The following RBFOX3 variants were observed in gnomAD, a reference collection of about 807,000 sequenced individuals.
RBFOX3 encodes the protein RNA binding fox-1 homolog 3.
In RBFOX3, 17 loss-of-function variants were observed where a neutral mutation model predicts 48.7. The observed-to-expected ratio is 0.35, with a 90% CI of 0.24 to 0.52. The LOEUF (loss-of-function observed/expected upper bound fraction) is 0.52. Among genes scored for constraint, RBFOX3 ranks in the 20% least tolerant of loss-of-function variants. RBFOX3 has a pLI of 0.94. For missense variants in RBFOX3, 382 were observed against 497.5 expected (o/e 0.77, Z 2.21); for synonymous variants, 212 against 209.5 (o/e 1.01, Z -0.10).
At position 79,178,932 on chromosome 17, in the gene RBFOX3, C is replaced by T. The variant is rs556556401; in HGVS notation, c.-34+56834G>A. On this transcript the variant is annotated intron_variant, in intron 4 of 14. Coordinates refer to ENST00000693108, the MANE Select transcript of RBFOX3 (RefSeq NM_001350451.2). ...ACCTGGGCAGCAATGGATGCTGCCG[C>T]GGGTGCACGAGCTGCTGTTCAGTGC... is the stretch of plus-strand genomic sequence containing the variant. Among the ~76,000 whole-genome samples, 11 of 152,298 alleles carry T rather than the reference C, an allele frequency of 7.2e-5. No individual in the cohort carries two copies. In the South Asian group the frequency reaches 1.5e-3, roughly 20 times the overall value.
the RBFOX3 span, among the ~76,000 whole-genome samples, chr17:79,663,086 A>C: frequency 6.6e-6 from 1 of 152,228 alleles, no homozygotes; most frequent in Non-Finnish European, 1.5e-5. Flanking sequence ...GGTTTTAATT[A>C]AACATTGATT....
chr17:79,658,321 C>G, the RBFOX3 span, among the ~76,000 whole-genome samples: 1 of 106,324 alleles, frequency 9.4e-6, no homozygotes, highest in Non-Finnish European at 1.9e-5. Context: ...TCCCCCATCT[C>G]TCTCTCCCTC....
intron 2 of RBFOX3, among the ~76,000 whole-genome samples, chr17:79,381,993 A>G (rs768693335): frequency 3.3e-5 from 5 of 152,126 alleles, no homozygotes; most frequent in Non-Finnish European, 5.9e-5. Context: ...TGCTCCATGC[A>G]CTCCGATACC....
At chr17:79,232,264 G>C (rs1202784920) in intron 4 of RBFOX3, among the ~76,000 whole-genome samples, 1 of 151,770 alleles carries the variant, frequency 6.6e-6, no homozygotes, top group East Asian at 1.9e-4. Flanking sequence ...TTTTTTCTTA[G>C]AAATTTACAC....
At position 79,431,315 on chromosome 17, in the gene RBFOX3, C is replaced by A. The variant is rs140551462; in HGVS notation, c.-175+51139G>T. On this transcript the variant is annotated intron_variant, in intron 2 of 14. Coordinates refer to ENST00000693108, the MANE Select transcript of RBFOX3 (RefSeq NM_001350451.2). ...GGTTAGGTTCCCAAGAGCCTCTGACCACATTTTCTTTTTTTGAGACGGAGT... is the reference window on the plus strand; with the variant it reads ...GGTTAGGTTCCCAAGAGCCTCTGACAACATTTTCTTTTTTTGAGACGGAGT... Among the ~76,000 whole-genome samples the A allele has an allele frequency of 9.9e-5, 15 of 152,186 alleles. No homozygotes were observed. The East Asian group carries it at 2.9e-3, about 29-fold the overall frequency.
chr17:79,090,875 G>A lies in RBFOX3; in HGVS notation c.*8C>T, dbSNP rs1219862044. ...CTTCATGGTCCGAGAAGGAAACGGTGGAAGGTTTCACTACAACAGAAACAG... is the reference window on the plus strand; with the variant it reads ...CTTCATGGTCCGAGAAGGAAACGGTAGAAGGTTTCACTACAACAGAAACAG... On this transcript the variant is annotated 3_prime_UTR_variant, in exon 15 of 15. Transcript: ENST00000693108. 1.3e-6 allele frequency: 2 copies of A among 1,532,572 alleles called. No homozygotes were observed. The highest frequency in any genetic ancestry group is 1.4e-5 in the African/African-American group (1 of 71,526). 94.9% of individuals were successfully genotyped at this position (1,532,572 alleles called of 1,614,324 possible). A position where few individuals can be genotyped will look rare whatever the true frequency, so the allele number is the denominator to read the frequency against.
chr17:79,438,887 T>C (rs2070185598), intron 2 of RBFOX3, among the ~76,000 whole-genome samples: 1 of 151,934 alleles, frequency 6.6e-6, no homozygotes, highest in South Asian at 2.1e-4. Context: ...AGAAAATGAG[T>C]TCTGGGTGTG....
At chr17:79,097,267 C>A in intron 11 of RBFOX3, 25 bp downstream of exon 11, 1 of 1,525,166 alleles carries the variant, frequency 6.6e-7, no homozygotes, top group Non-Finnish European at 8.9e-7. Flanking sequence ...CCCTCCTCCA[C>A]GCCTCCCCCG....
At chr17:79,468,876 C>T (rs1435236380) in intron 2 of RBFOX3, among the ~76,000 whole-genome samples, 1 of 144,770 alleles carries the variant, frequency 6.9e-6, no homozygotes, top group Admixed American at 6.9e-5. Context: ...GGCAGATAGA[C>T]AGGAGGATGG....
intron 1 of RBFOX3, among the ~76,000 whole-genome samples, chr17:79,512,322 C>T (rs1202299161): frequency 2.3e-5 from 3 of 131,074 alleles, no homozygotes; most frequent in African/African-American, 8.7e-5. Flanking sequence ...AACACCCACC[C>T]GGATACGTGT....
chr17:79,522,502 A>C (rs1276845412), intron 1 of RBFOX3, among the ~76,000 whole-genome samples: 2 of 152,120 alleles, frequency 1.3e-5, no homozygotes, highest in Non-Finnish European at 2.9e-5. Context: ...TTCAGGGTAC[A>C]TTTGGGTGTT....
At chr17:79,196,231 G>C (rs924958865) in intron 4 of RBFOX3, among the ~76,000 whole-genome samples, 1 of 152,088 alleles carries the variant, frequency 6.6e-6, no homozygotes, top group Admixed American at 6.5e-5. Context: ...TAAGAAGACT[G>C]TAGTCCCGCA....
chr17:79,536,953 C>A (rs540436065), intron 1 of RBFOX3, among the ~76,000 whole-genome samples: 1 of 151,962 alleles, frequency 6.6e-6, no homozygotes, highest in Non-Finnish European at 1.5e-5. Context: ...GGCATGGTGG[C>A]GAGCACCTGT....
rs2076736810 is a variant in RBFOX3, at chr17:79,103,062, T to A, written c.507+100A>T. 2.2e-6 allele frequency: 2 copies of A among 897,128 alleles called. No individual in the cohort carries two copies. Among genetic ancestry groups the A allele is most frequent in the Admixed American group, 2.1e-5 (1 of 48,424 alleles). The allele number at this position is 897,128 out of a possible 1,614,324, so 55.6% of individuals were successfully genotyped here. A position where few individuals can be genotyped will look rare whatever the true frequency, so the allele number is the denominator to read the frequency against. On this transcript the variant is annotated intron_variant, in intron 8 of 14. Coordinates refer to ENST00000693108, the MANE Select transcript of RBFOX3 (RefSeq NM_001350451.2). This position sits in a 1 kb window ranked among gnomAD's most constrained non-coding sequence, Gnocchi z 6.1. ...ACCCCAGGGAACCCTGGCCAGGCTC[T>A]CTGAAGGGTGCGGCAGTGGCAGGGC... is the stretch of plus-strand genomic sequence containing the variant.
the RBFOX3 span, among the ~76,000 whole-genome samples, chr17:79,622,393 C>T: frequency 6.6e-5 from 10 of 152,186 alleles, no homozygotes; most frequent in Non-Finnish European, 1.0e-4. Flanking sequence ...GAGACTCAGC[C>T]AGAGGAGGTG....
chr17:79,120,313 T>C (rs1453645714), intron 4 of RBFOX3, among the ~76,000 whole-genome samples: 3 of 152,076 alleles, frequency 2.0e-5, no homozygotes, highest in Non-Finnish European at 4.4e-5. Flanking sequence ...TGTACGTATG[T>C]ATGCATGGAT....
intron 4 of RBFOX3, among the ~76,000 whole-genome samples, chr17:79,148,605 C>T: frequency 6.6e-6 from 1 of 152,272 alleles, no homozygotes; most frequent in East Asian, 1.9e-4. Flanking sequence ...TCAACTGAGG[C>T]TAACAGTAGT....
At chr17:79,461,772 T>C (rs2075398229) in intron 2 of RBFOX3, among the ~76,000 whole-genome samples, 1 of 152,152 alleles carries the variant, frequency 6.6e-6, no homozygotes, top group Non-Finnish European at 1.5e-5. Context: ...GACTGGCATG[T>C]TTATAAGAAA....
chr17:79,644,818 C>T, the RBFOX3 span, among the ~76,000 whole-genome samples: 2 of 152,162 alleles, frequency 1.3e-5, no homozygotes, highest in African/African-American at 4.8e-5. Context: ...ATTGCTATGA[C>T]GTCATTTTCT....
Sources: gnomAD v4.1 joint callset for allele counts (sites outside exome capture counted in the v4.1 genomes callset) on GRCh38, gnomAD v4.1.1 for gene constraint, Gnocchi (gnomAD v3.1) non-coding constraint, MANE v1.5 for transcripts, NCBI Gene and HGNC (gene_info 2026-07-23, HGNC 2026-07-21) for gene names.